The following RTCA variants were observed in gnomAD, a reference collection of about 807,000 sequenced individuals.
RTCA encodes the protein RNA 3'-terminal phosphate cyclase.
RTCA carries 37 observed loss-of-function variants against 46.1 expected under a neutral mutation model. The observed-to-expected ratio is 0.80, with a 90% CI of 0.62 to 1.06. The LOEUF is 1.06. Among genes scored for constraint, RTCA ranks in the 50% least tolerant of loss-of-function variants. The probability of loss-of-function intolerance (pLI) is 0.00; values close to 1 mark genes in which losing one functional copy is unlikely to be tolerated. For synonymous variants in RTCA, 164 were observed against 158.3 expected (o/e 1.04, Z -0.27); for missense variants, 435 against 455.5 (o/e 0.95, Z 0.41).
intron 8 of RTCA, among the ~76,000 whole-genome samples, chr1:100,278,458 A>G (rs559634186): frequency 2.6e-5 from 4 of 152,108 alleles, no homozygotes; most frequent in Non-Finnish European, 5.9e-5. Context: ...CTTTATTCCT[A>G]CTTTGTAGCA....
chr1:100,277,371 T>C, intron 8 of RTCA, 55 bp downstream of exon 8: 2 of 1,441,512 alleles, frequency 1.4e-6, no homozygotes, highest in Admixed American at 2.1e-5. Context: ...AATTCTTTAA[T>C]CCATCAGGAT....
At chr1:100,278,945 A>ATT in intron 8 of RTCA, among the ~76,000 whole-genome samples, 1 of 152,330 alleles carries the variant, frequency 6.6e-6, no homozygotes, top group East Asian at 1.9e-4. Flanking sequence ...ATCCATTTTA[A>ATT]CAAACTTTCC....
At chr1:100,289,807 G>A (rs1256017264) in intron 10 of RTCA, among the ~76,000 whole-genome samples, 1 of 152,052 alleles carries the variant, frequency 6.6e-6, no homozygotes, top group Non-Finnish European at 1.5e-5. Context: ...GGTGACTTGG[G>A]GCAAGTTTCT....
chr1:100,266,763 C>T (rs2100785414), intron 2 of RTCA, 139 bp downstream of exon 2: 2 of 687,146 alleles, frequency 2.9e-6, no homozygotes, highest in South Asian at 3.6e-5. Flanking sequence ...GGGCGGGGCA[C>T]TCTGCCTGGG....
intron 8 of RTCA, among the ~76,000 whole-genome samples, chr1:100,283,160 C>CTTTTTTTTTTT (rs71084815): frequency 3.9e-5 from 4 of 102,104 alleles, no homozygotes; most frequent in African/African-American, 1.1e-4. Context: ...CCAAATATTC[C>CTTTTTTTTTTT]TTTTTTTTTT....
At chr1:100,267,236 T>G (rs915802995) in intron 2 of RTCA, 14 of 371,824 alleles carry the variant, frequency 3.8e-5, no homozygotes, top group Non-Finnish European at 6.7e-5. Context: ...GAAGCCACAC[T>G]GATTGCTTTG....
chr1:100,270,821 T>A (rs190191639), intron 4 of RTCA, 141 bp downstream of exon 4: 34 of 1,099,014 alleles, frequency 3.1e-5, no homozygotes, highest in Non-Finnish European at 4.2e-5. Context: ...CTTTCTTTTT[T>A]TTTTTGAGAC....
chr1:100,268,916 C>T (rs1665928521), intron 3 of RTCA, among the ~76,000 whole-genome samples: 1 of 151,846 alleles, frequency 6.6e-6, no homozygotes, highest in African/African-American at 2.4e-5. Flanking sequence ...AGGCCAGGTG[C>T]GGTGGCTCAC....
At chr1:100,271,149 A>T (rs928633805) in intron 4 of RTCA, among the ~76,000 whole-genome samples, 3 of 151,814 alleles carry the variant, frequency 2.0e-5, no homozygotes, top group Non-Finnish European at 4.4e-5. Context: ...TAAAAAAAAA[A>T]ACTCAAGTGT....
intron 8 of RTCA, among the ~76,000 whole-genome samples, chr1:100,283,935 G>GAAAAAAAAAA (rs763030720): frequency 3.6e-5 from 2 of 55,102 alleles, no homozygotes; most frequent in African/African-American, 7.9e-5. Flanking sequence ...AAAAAAAAAA[G>GAAAAAAAAAA]AAAAAAAAAA....
chr1:100,289,055 C>G (rs887540660), intron 10 of RTCA, among the ~76,000 whole-genome samples: 2 of 151,792 alleles, frequency 1.3e-5, no homozygotes, highest in African/African-American at 2.4e-5. Context: ...AACTCCTGGC[C>G]TTACGCGATC....
intron 3 of RTCA, 141 bp downstream of exon 3, chr1:100,268,436 C>A: frequency 1.4e-6 from 1 of 696,724 alleles, no homozygotes; most frequent in Non-Finnish European, 2.3e-6. Context: ...ATCCCTCTTG[C>A]CCAGGCGGGG....
At chr1:100,288,457 C>T (rs1055671244) in intron 10 of RTCA, among the ~76,000 whole-genome samples, 1 of 152,142 alleles carries the variant, frequency 6.6e-6, no homozygotes, top group Non-Finnish European at 1.5e-5. Context: ...GTTGCCCAGG[C>T]TGGATTGCAG....
At chr1:100,286,322 C>T (rs190060494) in intron 9 of RTCA, among the ~76,000 whole-genome samples, 129 of 151,806 alleles carry the variant, frequency 8.5e-4, no homozygotes, top group Admixed American at 3.4e-3. Context: ...GGCGTGGTGG[C>T]GGGTGCCTGT....
chr1:100,287,290 T>C, intron 10 of RTCA, 87 bp downstream of exon 10: 1 of 842,770 alleles, frequency 1.2e-6, no homozygotes, highest in Non-Finnish European at 1.8e-6. Context: ...AACTTAATAG[T>C]AATCATAATT....
chr1:100,269,266 G>C (rs1570872645), intron 3 of RTCA, among the ~76,000 whole-genome samples: 1 of 151,736 alleles, frequency 6.6e-6, no homozygotes, highest in Middle Eastern at 3.5e-3. Context: ...ACTATTTCTT[G>C]TGATTTCTCA....
chr1:100,275,335 A>G (rs1295734367), intron 6 of RTCA, among the ~76,000 whole-genome samples: 7 of 152,204 alleles, frequency 4.6e-5, no homozygotes, highest in Non-Finnish European at 8.8e-5. Flanking sequence ...GCGACATGTA[A>G]TTTACCCATG....
At chr1:100,275,013 TAA>T in intron 6 of RTCA, 48 bp downstream of exon 6, 2 of 1,497,302 alleles carry the variant, frequency 1.3e-6, no homozygotes, top group Middle Eastern at 3.6e-4. Flanking sequence ...TGTGTCTTGA[TAA>T]ATATTATGTC....
At chr1:100,274,994 A>T in intron 6 of RTCA, 29 bp downstream of exon 6, 1 of 1,569,304 alleles carries the variant, frequency 6.4e-7, no homozygotes, top group Non-Finnish European at 8.7e-7. Context: ...CTTAGAAATA[A>T]AATATATGTG....
Sources: allele counts gnomAD v4.1 joint callset (sites outside exome capture counted in the v4.1 genomes callset), GRCh38; gene constraint gnomAD v4.1.1; transcripts MANE v1.5; gene names NCBI Gene and HGNC (gene_info 2026-07-23, HGNC 2026-07-21).